PTPRK: variants seen among roughly 807,000 people sequenced by gnomAD.
PTPRK encodes the protein receptor-type tyrosine-protein phosphatase kappa.
A neutral mutation model predicts 178.0 loss-of-function variants in PTPRK; 75 were observed. The observed-to-expected ratio is 0.42, with a 90% confidence interval of 0.35 to 0.51. The LOEUF (loss-of-function observed/expected upper bound fraction) is 0.51. PTPRK is among the 20% of genes least tolerant of loss of function. The pLI is 0.02. For missense variants in PTPRK, 1,441 were observed against 1,797.8 expected, an observed-to-expected ratio of 0.80 and a Z score of 3.59; for synonymous variants, 637 against 620.6, an observed-to-expected ratio of 1.03 and a Z score of -0.39.
At chr6:128,092,197 T>G (rs1387381550) in intron 7 of PTPRK, among the ~76,000 whole-genome samples, 1 of 152,202 alleles carries the variant, frequency 6.6e-6, no homozygotes, top group Non-Finnish European at 1.5e-5. Flanking sequence ...AGAAATAGCT[T>G]TCTAAGAATT....
intron 7 of PTPRK, among the ~76,000 whole-genome samples, chr6:128,104,857 T>C (rs1168058970): frequency 1.3e-5 from 2 of 152,188 alleles, no homozygotes; most frequent in Non-Finnish European, 2.9e-5. Context: ...GTCAAATTAC[T>C]TGGTGAAATC....
At chr6:128,232,686 T>G (rs938662495) in intron 5 of PTPRK, among the ~76,000 whole-genome samples, 1 of 152,238 alleles carries the variant, frequency 6.6e-6, no homozygotes, top group Non-Finnish European at 1.5e-5. Context: ...CCTAATCTTC[T>G]ACAAATCTCA....
At chr6:128,418,882 C>T (rs944557272) in intron 1 of PTPRK, among the ~76,000 whole-genome samples, 1 of 152,138 alleles carries the variant, frequency 6.6e-6, no homozygotes, top group Admixed American at 6.5e-5. Context: ...GATGCCTATC[C>T]TTGCTCAGAA....
chr6:128,494,279 G>A (rs1363599263), intron 1 of PTPRK, among the ~76,000 whole-genome samples: 2 of 150,290 alleles, frequency 1.3e-5, no homozygotes, highest in Admixed American at 6.7e-5. Context: ...ATAAGATTAC[G>A]TGTTATGCTG....
intron 7 of PTPRK, among the ~76,000 whole-genome samples, chr6:128,161,675 C>T (rs1273384564): frequency 6.6e-6 from 1 of 151,462 alleles, no homozygotes; most frequent in Non-Finnish European, 1.5e-5. Context: ...TGGGTGCTGA[C>T]AGAATATAAT....
At chr6:128,454,128 C>A (rs1285915119) in intron 1 of PTPRK, among the ~76,000 whole-genome samples, 1 of 152,202 alleles carries the variant, frequency 6.6e-6, no homozygotes, top group Non-Finnish European at 1.5e-5. Context: ...CTTGCCCCTT[C>A]AGCCAAGTGA....
intron 2 of PTPRK, among the ~76,000 whole-genome samples, chr6:128,329,698 A>T (rs550367154): frequency 5.3e-5 from 8 of 152,154 alleles, no homozygotes; most frequent in South Asian, 2.1e-4. Context: ...ACTTCAAGCG[A>T]TTGGATGAGG....
intron 3 of PTPRK, among the ~76,000 whole-genome samples, chr6:128,268,420 A>C (rs1819285217): frequency 6.6e-6 from 1 of 152,052 alleles, no homozygotes; most frequent in Non-Finnish European, 1.5e-5. Context: ...TAAAATGCAG[A>C]AAAAGTGAGA....
chr6:128,211,784 C>CT (rs951141739), intron 6 of PTPRK, among the ~76,000 whole-genome samples: 2 of 152,022 alleles, frequency 1.3e-5, no homozygotes, highest in African/African-American at 4.8e-5. Flanking sequence ...GAGAACCCTG[C>CT]TATTAATGAC....
chr6:128,227,053 T>C (rs1195207386), intron 5 of PTPRK, among the ~76,000 whole-genome samples: 1 of 152,064 alleles, frequency 6.6e-6, no homozygotes, highest in African/African-American at 2.4e-5. Flanking sequence ...AGTAGAGGCA[T>C]GTAAAATATC....
intron 1 of PTPRK, among the ~76,000 whole-genome samples, chr6:128,518,144 C>T (rs1858372349): frequency 6.6e-6 from 1 of 152,142 alleles, no homozygotes; most frequent in Non-Finnish European, 1.5e-5. Context: ...GGCATACATT[C>T]CTAAAGGGCA....
chr6:128,443,248 G>C (rs1259714709), intron 1 of PTPRK, among the ~76,000 whole-genome samples: 1 of 152,122 alleles, frequency 6.6e-6, no homozygotes, highest in Admixed American at 6.5e-5. Flanking sequence ...CCACATCACA[G>C]ATTACTGAAA....
chr6:128,305,555 A>T (rs1472044640), intron 3 of PTPRK, among the ~76,000 whole-genome samples: 1 of 152,214 alleles, frequency 6.6e-6, no homozygotes, highest in African/African-American at 2.4e-5. Context: ...AATCAAGAAA[A>T]CAAATAGAAA....
chr6:128,292,243 C>G (rs961631541), intron 3 of PTPRK, among the ~76,000 whole-genome samples: 1 of 152,000 alleles, frequency 6.6e-6, no homozygotes, highest in African/African-American at 2.4e-5. Context: ...TTAGATAATT[C>G]TGTATTGCTG....
chr6:128,424,065 TAAA>T (rs139100585), intron 1 of PTPRK, among the ~76,000 whole-genome samples: 5 of 112,008 alleles, frequency 4.5e-5, no homozygotes, highest in Admixed American at 9.1e-5. Flanking sequence ...CTACAAAAAG[TAAA>T]AAAAAAAAAA....
intron 2 of PTPRK, among the ~76,000 whole-genome samples, chr6:128,334,423 G>A (rs1279552764): frequency 6.6e-6 from 1 of 152,050 alleles, no homozygotes; most frequent in Non-Finnish European, 1.5e-5. Context: ...TAACCTAGAA[G>A]AACTAAAGTA....
At chr6:128,262,026 C>G (rs1818251985) in intron 3 of PTPRK, among the ~76,000 whole-genome samples, 1 of 152,132 alleles carries the variant, frequency 6.6e-6, no homozygotes, top group Non-Finnish European at 1.5e-5. Flanking sequence ...CCTGAGAAAA[C>G]TCTCCACATG....
At chr6:128,022,596 G>A (rs573268393) in intron 13 of PTPRK, among the ~76,000 whole-genome samples, 5 of 152,184 alleles carry the variant, frequency 3.3e-5, no homozygotes, top group Non-Finnish European at 1.5e-5. Flanking sequence ...CCCAGCTTAC[G>A]GAGTAAAGGA....
In PTPRK at chr6:128,064,740, A is replaced by T; in HGVS notation, c.2194+18T>A. ...GGGTGAGAGTAGTTAAAACAAGCAA[A>T]AAAAGCAAACCTCTTACCTTTTGTA... On this transcript the variant is annotated intron_variant, in intron 13 of 29. Transcript: ENST00000368226. 1 of 1,584,352 alleles carries T rather than the reference A, an allele frequency of 6.3e-7. No homozygotes were observed.
Sources: gnomAD v4.1 joint callset for allele counts (sites outside exome capture counted in the v4.1 genomes callset) on GRCh38, gnomAD v4.1.1 for gene constraint, MANE v1.5 for transcripts, NCBI Gene and HGNC (gene_info 2026-07-23, HGNC 2026-07-21) for gene names.